Variants in CDCA7L observed in about 807,000 individuals in gnomAD.
CDCA7L encodes the protein cell division cycle associated 7 like.
In CDCA7L, 44 loss-of-function variants were observed where a neutral mutation model predicts 57.4. The ratio of observed to expected loss-of-function variants is 0.77; its 90% CI spans 0.60 to 0.98. CDCA7L has a LOEUF of 0.98. Ranked by LOEUF, CDCA7L falls within the 50% of genes least tolerant of loss-of-function variation. CDCA7L has a pLI of 0.00. For synonymous variants in CDCA7L, 236 were observed against 202.8 expected (o/e 1.16, Z -1.39); for missense variants, 644 against 580.6 (o/e 1.11, Z -1.12).
At chr7:21,923,827 T>C (rs1785741352) in intron 1 of CDCA7L, among the ~76,000 whole-genome samples, 1 of 152,330 alleles carries the variant, frequency 6.6e-6, no homozygotes, top group East Asian at 1.9e-4. Flanking sequence ...CCAGCTAAGC[T>C]ATACTAATAA....
chr7:21,901,792 C>CTT lies in CDCA7L; in HGVS notation c.*528_*529dup, dbSNP rs1784880225. On this transcript the variant is annotated 3_prime_UTR_variant, in exon 10 of 10. Transcript: ENST00000406877. ...CAGTGTCTACAATGTTGATGGTCCCCTTTTGTTCAGTCAAGTTTTAATAAA... is the reference window on the plus strand; with the variant it reads ...CAGTGTCTACAATGTTGATGGTCCCCTTTTTTGTTCAGTCAAGTTTTAATAAA... 2 of 163,178 alleles carry CTT rather than the reference C, an allele frequency of 1.2e-5. No homozygotes were observed. Among genetic ancestry groups the CTT allele is most frequent in the South Asian group, 3.4e-4 (2 of 5,886 alleles). 10.1% of individuals were successfully genotyped at this position (163,178 alleles called of 1,614,324 possible).
chr7:21,904,018 C>T, intron 8 of CDCA7L, 92 bp downstream of exon 8: 1 of 1,273,154 alleles, frequency 7.9e-7, no homozygotes, highest in Non-Finnish European at 1.1e-6. Flanking sequence ...TTCTGGAGCT[C>T]CCTAGTTCCC....
At chr7:21,937,986 T>C (rs1468973639) in intron 1 of CDCA7L, among the ~76,000 whole-genome samples, 1 of 151,904 alleles carries the variant, frequency 6.6e-6, no homozygotes, top group Non-Finnish European at 1.5e-5. Context: ...TGGAAGAAAA[T>C]ACAGGGGAAA....
At chr7:21,925,420 G>C (rs1167560371) in intron 1 of CDCA7L, among the ~76,000 whole-genome samples, 1 of 152,202 alleles carries the variant, frequency 6.6e-6, no homozygotes, top group Non-Finnish European at 1.5e-5. Context: ...GAACTGGTAT[G>C]AGGACACTGA....
chr7:21,902,924 G>GTGCTCAGCCTCAAGATT, intron 9 of CDCA7L, 54 bp downstream of exon 9: 2 of 1,579,372 alleles, frequency 1.3e-6, no homozygotes, highest in Non-Finnish European at 1.7e-6. Flanking sequence ...AGGGTCTCCT[G>GTGCTCAGCCTCAAGATT]TGCTCAGCCT....
chr7:21,904,085 C>G (rs774318514), intron 8 of CDCA7L, 25 bp downstream of exon 8: 2 of 1,551,046 alleles, frequency 1.3e-6, no homozygotes, highest in African/African-American at 2.7e-5. Flanking sequence ...ATACAATTTA[C>G]AACAAATGCA....
At chr7:21,941,602 C>G (rs1476052243) in intron 1 of CDCA7L, among the ~76,000 whole-genome samples, 2 of 152,128 alleles carry the variant, frequency 1.3e-5, no homozygotes, top group African/African-American at 4.8e-5. Context: ...CTGGTGAGTT[C>G]CTAAAAAAGA....
At chr7:21,927,012 TACCC>T (rs1785851496) in intron 1 of CDCA7L, among the ~76,000 whole-genome samples, 1 of 152,190 alleles carries the variant, frequency 6.6e-6, no homozygotes, top group Non-Finnish European at 1.5e-5. Context: ...GGTCAGAACA[TACCC>T]AGCCAATCTT....
Position 21,900,930 on chromosome 7 carries a change from G to A in CDCA7L, c.*1392C>T, listed in dbSNP as rs761854523. ...AAAACCAGAATGTTGAATGTTTATT[G>A]CATCAAACAACTTACTTGATCATTA... is the stretch of plus-strand genomic sequence containing the variant. On this transcript the variant is annotated 3_prime_UTR_variant, in exon 10 of 10. Coordinates refer to ENST00000406877, the MANE Select transcript of CDCA7L (RefSeq NM_018719.5). 6.5e-6 allele frequency: 9 copies of A among 1,392,504 alleles called. No homozygotes were observed. The highest frequency in any genetic ancestry group is 3.8e-4 in the Middle Eastern group (2 of 5,228). The allele number at this position is 1,392,504 out of a possible 1,614,324, so 86.3% of individuals were successfully genotyped here.
chr7:21,943,050 G>C (rs1389038393), intron 1 of CDCA7L, among the ~76,000 whole-genome samples: 1 of 152,186 alleles, frequency 6.6e-6, no homozygotes, highest in African/African-American at 2.4e-5. Context: ...CTGACATTCA[G>C]TGCCTACCAG....
At chr7:21,921,785 A>G (rs1233892734) in intron 1 of CDCA7L, among the ~76,000 whole-genome samples, 5 of 151,662 alleles carry the variant, frequency 3.3e-5, no homozygotes, top group African/African-American at 7.3e-5. Flanking sequence ...AAAAAAAGGG[A>G]AAATTCTCAT....
intron 1 of CDCA7L, among the ~76,000 whole-genome samples, chr7:21,943,221 G>A (rs76723430): frequency 0.012 from 1,831 of 152,336 alleles, 34 homozygotes; most frequent in African/African-American, 0.042. Context: ...CAGCCTGGGG[G>A]AAGCGTAATC....
chr7:21,908,249 G>C lies in CDCA7L; in HGVS notation c.562C>G (p.Gln188Glu), dbSNP rs778114786. The change falls in exon 4 of 10, where the codon CAG becomes GAG. Residue 188 changes from glutamine (Q) to glutamate (E), a missense_variant. Transcript: ENST00000406877. ...GTAGAATCTTCCCTTTGTATCACCT[G>C]TCTACAGTCTTTCTTTCTTTCAAGA... ...TILERKKDCR[Q>E]VIQREDSTSE... The C allele has an allele frequency of 2.5e-6, 4 of 1,613,622 alleles. No individual in the cohort carries two copies. Among genetic ancestry groups the C allele is most frequent in the East Asian group, 4.5e-5 (2 of 44,880 alleles).
chr7:21,942,405 GC>G (rs1385831488), intron 1 of CDCA7L, among the ~76,000 whole-genome samples: 1 of 152,024 alleles, frequency 6.6e-6, no homozygotes, highest in Admixed American at 6.6e-5. Context: ...GAACAAAATG[GC>G]CCCAGTAGTA....
At chr7:21,906,917 G>A (rs562840246) in intron 4 of CDCA7L, among the ~76,000 whole-genome samples, 1 of 152,214 alleles carries the variant, frequency 6.6e-6, no homozygotes, top group African/African-American at 2.4e-5. Flanking sequence ...ATCAAGACCT[G>A]GAGCATGAGG....
rs1354316523 is a variant in CDCA7L at position 21,906,357 on chromosome 7, T to G, written c.853A>C (p.Asn285His). ...AATTTAGCGGCTGAGACAGTGAAGT[T>G]CTCTAGAGCAAACTTCTCAGGAGGC... ...ARPPEKFALE[N>H]FTVSAAKFAE... Residue 285 changes from asparagine (N) to histidine (H), a missense_variant, in exon 6 of 10, where the codon AAC (asparagine) becomes CAC (histidine). Transcript: ENST00000406877. 1.2e-6 allele frequency: 2 copies of G among 1,613,518 alleles called. No homozygotes were observed. The highest frequency in any genetic ancestry group is 1.3e-5 in the African/African-American group (1 of 74,858).
chr7:21,927,618 G>C (rs1211180224), intron 1 of CDCA7L, among the ~76,000 whole-genome samples: 4 of 152,176 alleles, frequency 2.6e-5, no homozygotes, highest in Non-Finnish European at 5.9e-5. Flanking sequence ...TGATACGACA[G>C]TGGATGAAAA....
intron 1 of CDCA7L, among the ~76,000 whole-genome samples, chr7:21,933,806 A>AG (rs1786086845): frequency 6.6e-6 from 1 of 152,016 alleles, no homozygotes; most frequent in Admixed American, 6.6e-5. Context: ...TATAAAAAAA[A>AG]GAAAAAAAAA....
Position 21,903,096 on chromosome 7 carries a change from A to AG in CDCA7L, c.1215dup (p.Cys406LeufsTer14), listed in dbSNP as rs1491426165. 4 of 1,613,672 alleles carry AG rather than the reference A, an allele frequency of 2.5e-6. No individual in the cohort carries two copies. The highest frequency in any genetic ancestry group is 3.4e-6 in the Non-Finnish European group (4 of 1,179,886). ...TAGCTGCAATTGCAGATCCCACGAC[A>AG]GGGGGGACACACCCAATCCTAACAG... On this transcript the variant is annotated frameshift_variant, in exon 9 of 10. Transcript: ENST00000406877. LOFTEE classifies it high-confidence loss of function.
Sources: allele counts gnomAD v4.1 joint callset (sites outside exome capture counted in the v4.1 genomes callset), GRCh38; gene constraint gnomAD v4.1.1; transcripts MANE v1.5; gene names NCBI Gene and HGNC (gene_info 2026-07-23, HGNC 2026-07-21).